PRUNE2: variants seen among roughly 807,000 people sequenced by gnomAD.
PRUNE2 encodes protein prune homolog 2.
Under a neutral mutation model 252.0 loss-of-function variants are expected in PRUNE2, and 164 were observed. The observed-to-expected ratio is 0.65, with a 90% confidence interval of 0.57 to 0.74. The LOEUF is 0.74. Ranked by LOEUF, PRUNE2 falls within the 30% of genes least tolerant of loss-of-function variation. PRUNE2 has a pLI of 0.00. For synonymous variants in PRUNE2, 1,292 were observed against 1,350.2 expected (o/e 0.96, Z 0.94); for missense variants, 3,495 against 3,711.0 (o/e 0.94, Z 1.51).
intron 6 of PRUNE2, among the ~76,000 whole-genome samples, chr9:76,808,410 G>A (rs2057129524): frequency 6.6e-6 from 1 of 152,108 alleles, no homozygotes; most frequent in Non-Finnish European, 1.5e-5. Flanking sequence ...GTGCCTTTTG[G>A]GTTTGCACAT....
chr9:76,736,068 T>C (rs1297013905), intron 6 of PRUNE2, among the ~76,000 whole-genome samples: 1 of 152,204 alleles, frequency 6.6e-6, no homozygotes, highest in Admixed American at 6.5e-5. Flanking sequence ...GGAGAAAATA[T>C]GAAATACCAA....
chr9:76,689,146 A>G (rs987576660), intron 9 of PRUNE2, among the ~76,000 whole-genome samples: 3 of 152,122 alleles, frequency 2.0e-5, no homozygotes, highest in African/African-American at 7.2e-5. Flanking sequence ...GAGAGACTGC[A>G]CCTTAGTTAC....
intron 9 of PRUNE2, among the ~76,000 whole-genome samples, chr9:76,687,230 A>C (rs1220942924): frequency 1.3e-5 from 2 of 152,008 alleles, no homozygotes; most frequent in East Asian, 3.9e-4. Flanking sequence ...CTCCTTACCT[A>C]CCTCATGCTC....
intron 6 of PRUNE2, among the ~76,000 whole-genome samples, chr9:76,722,080 A>G (rs2047689010): frequency 6.6e-6 from 1 of 152,042 alleles, no homozygotes; most frequent in African/African-American, 2.4e-5. Context: ...TATTTTTGAG[A>G]CAGAGTCTCT....
In PRUNE2 at chr9:76,611,966, G is replaced by T. The variant is rs1056557187; in HGVS notation, c.*2604C>A. On this transcript the variant is annotated 3_prime_UTR_variant, in exon 19 of 19. Transcript: ENST00000376718. ...CAGAAGTCAGAACCAAAGCAAGAAT[G>T]TTCAGAGTGCAAGAGCTAGAGAGCT... The T allele has an allele frequency of 6.6e-6, 1 of 152,626 alleles. No homozygotes were observed. Among genetic ancestry groups the T allele is most frequent in the African/African-American group, 2.4e-5 (1 of 41,432 alleles). The allele number at this position is 152,626 out of a possible 1,614,324, so 9.5% of individuals were successfully genotyped here.
At chr9:76,652,292 T>A in intron 11 of PRUNE2, 191 bp downstream of exon 11, 1 of 581,930 alleles carries the variant, frequency 1.7e-6, no homozygotes, top group Non-Finnish European at 3.1e-6. Context: ...AATGGTTATG[T>A]ATGGCCTCTG....
intron 6 of PRUNE2, among the ~76,000 whole-genome samples, chr9:76,763,707 G>C (rs1253693053): frequency 6.6e-6 from 1 of 152,176 alleles, no homozygotes; most frequent in Non-Finnish European, 1.5e-5. Flanking sequence ...AGGTGGGGAG[G>C]AGAATGGTAT....
At chr9:76,621,840 C>T (rs1447829996) in intron 17 of PRUNE2, among the ~76,000 whole-genome samples, 1 of 152,086 alleles carries the variant, frequency 6.6e-6, no homozygotes, top group African/African-American at 2.4e-5. Context: ...TACCACCATA[C>T]TTGGCTAATT....
intron 6 of PRUNE2, among the ~76,000 whole-genome samples, chr9:76,721,302 C>T (rs1161020985): frequency 1.3e-5 from 2 of 152,138 alleles, no homozygotes; most frequent in Non-Finnish European, 2.9e-5. Context: ...TCATTTCCAC[C>T]GTTTCACCTC....
At chr9:76,732,002 A>G (rs1262803695) in intron 6 of PRUNE2, among the ~76,000 whole-genome samples, 2 of 152,100 alleles carry the variant, frequency 1.3e-5, no homozygotes, top group Non-Finnish European at 2.9e-5. Flanking sequence ...GGACCCTGAT[A>G]CGTGCATTTA....
chr9:76,622,543 A>G (rs1347931286), intron 17 of PRUNE2, among the ~76,000 whole-genome samples: 1 of 152,210 alleles, frequency 6.6e-6, no homozygotes, highest in Non-Finnish European at 1.5e-5. Context: ...TTAATTTCAT[A>G]AATATGTTAT....
intron 6 of PRUNE2, among the ~76,000 whole-genome samples, chr9:76,793,770 G>C (rs556896467): frequency 6.2e-4 from 94 of 152,080 alleles, no homozygotes; most frequent in African/African-American, 2.0e-3. Context: ...AAAAAAAAAG[G>C]CTCAGAGAGG....
At position 76,805,274 on chromosome 9, in the gene PRUNE2, G is replaced by A. The variant is rs151312435; in HGVS notation, c.756+18358C>T. Among the ~76,000 whole-genome samples the A allele has an allele frequency of 1.7e-3, 259 of 152,226 alleles. 1 individual carries two copies. The Middle Eastern group carries it at 0.027, about 16-fold the overall frequency. On this transcript the variant is annotated intron_variant, in intron 6 of 18. Transcript: ENST00000376718. ...CCTGTCCTAGCCCGACTCCTACCAC[G>A]AGTCAGCTCAGGCAAGACCAGCAGA... is the stretch of plus-strand genomic sequence containing the variant.
At chr9:76,720,468 T>C (rs534170854) in intron 6 of PRUNE2, among the ~76,000 whole-genome samples, 1 of 152,332 alleles carries the variant, frequency 6.6e-6, no homozygotes, top group African/African-American at 2.4e-5. Flanking sequence ...TTCATTTTCA[T>C]GAGCCTTAGT....
intron 11 of PRUNE2, 87 bp from the exon 12 acceptor site, chr9:76,644,996 A>G: frequency 1.7e-6 from 2 of 1,211,788 alleles, no homozygotes; most frequent in Non-Finnish European, 1.2e-6. Context: ...TTTACAATAC[A>G]GTACTCCTAC....
rs58510358 is a variant in PRUNE2, at chr9:76,683,059, T to C, written c.8276+20278A>G. On this transcript the variant is annotated intron_variant, in intron 9 of 18. Coordinates refer to ENST00000376718, the MANE Select transcript of PRUNE2 (RefSeq NM_015225.3). ...TTTCTTCTTTTGATAACAGCACCTC[T>C]ATTCCCCTTTGGGGAATAATTTCTG... is the stretch of plus-strand genomic sequence containing the variant. Among the ~76,000 whole-genome samples the C allele has an allele frequency of 4.0e-3, 609 of 152,362 alleles. 21 individuals carry two copies. In the East Asian group the frequency reaches 0.063, roughly 16 times the overall value.
Position 76,891,016 on chromosome 9 carries a change from G to A in PRUNE2, c.36+14912C>T, listed in dbSNP as rs55843994. On this transcript the variant is annotated intron_variant, in intron 1 of 18. Transcript: ENST00000376718. ...TTCATCTTTGCGCATATTGGCTTTAGCAATCATGTTGCCTTTGTCATGCTA... is the reference window on the plus strand; with the variant it reads ...TTCATCTTTGCGCATATTGGCTTTAACAATCATGTTGCCTTTGTCATGCTA... 5.1e-3 allele frequency among the ~76,000 whole-genome samples: 777 copies of A among 152,340 alleles called. 4 individuals are homozygous for A. Among genetic ancestry groups the A allele is most frequent in the African/African-American group, 0.018 (750 of 41,574 alleles).
chr9:76,806,807 C>T (rs534487329), intron 6 of PRUNE2, among the ~76,000 whole-genome samples: 165 of 151,866 alleles, frequency 1.1e-3, no homozygotes, highest in African/African-American at 3.9e-3. Context: ...CGTGAGCCAC[C>T]GCACCCGGCC....
intron 4 of PRUNE2, among the ~76,000 whole-genome samples, chr9:76,840,353 G>T (rs1258960818): frequency 6.6e-6 from 1 of 152,110 alleles, no homozygotes; most frequent in Admixed American, 6.6e-5. Flanking sequence ...AGAACCAAAG[G>T]AATCAATATC....
Sources: gnomAD v4.1 joint callset for allele counts (sites outside exome capture counted in the v4.1 genomes callset) on GRCh38, gnomAD v4.1.1 for gene constraint, MANE v1.5 for transcripts, NCBI Gene and HGNC (gene_info 2026-07-23, HGNC 2026-07-21) for gene names.